Variants in CELF4 observed in about 807,000 individuals in gnomAD.
CELF4 encodes the protein CUG-BP- and ETR-3-like factor 4.
Under a neutral mutation model 59.9 loss-of-function variants are expected in CELF4, and 18 were observed. The ratio of observed to expected loss-of-function variants is 0.30; its 90% CI spans 0.21 to 0.45. The LOEUF is 0.45. Among genes scored for constraint, CELF4 ranks in the 20% least tolerant of loss-of-function variants. The pLI is 1.00. For synonymous variants in CELF4, 261 were observed against 267.1 expected, an observed-to-expected ratio of 0.98 and a Z score of 0.22; for missense variants, 456 against 689.0, an observed-to-expected ratio of 0.66 and a Z score of 3.79.
intron 1 of CELF4, among the ~76,000 whole-genome samples, chr18:37,521,101 G>C (rs1012094666): frequency 6.6e-6 from 1 of 151,834 alleles, no homozygotes; most frequent in African/African-American, 2.4e-5. Context: ...ACATATATCA[G>C]GGGGCTCTGG....
chr18:37,515,425 C>T (rs2099949574), intron 1 of CELF4, among the ~76,000 whole-genome samples: 1 of 152,216 alleles, frequency 6.6e-6, no homozygotes, highest in Non-Finnish European at 1.5e-5. Flanking sequence ...TATCAAGGGT[C>T]TTTCTCCCTT....
intron 3 of CELF4, among the ~76,000 whole-genome samples, chr18:37,297,340 C>T (rs563556729): frequency 3.9e-5 from 6 of 152,286 alleles, no homozygotes; most frequent in African/African-American, 1.4e-4. Flanking sequence ...CTTCAGAATT[C>T]TCTTTTAAAA....
At chr18:37,422,177 G>A (rs923550618) in intron 2 of CELF4, among the ~76,000 whole-genome samples, 1 of 152,224 alleles carries the variant, frequency 6.6e-6, no homozygotes, top group East Asian at 1.9e-4. Context: ...CCTGAGTGGG[G>A]CCTGTGTAAG....
At position 37,259,284 on chromosome 18, in the gene CELF4, T is replaced by C; in HGVS notation, c.1250-20A>G. 7.4e-6 allele frequency: 1 copy of C among 134,858 alleles called. No homozygotes were observed. The highest frequency in any genetic ancestry group is 1.4e-5 in the Non-Finnish European group (1 of 69,954). The allele number at this position is 134,858 out of a possible 1,614,324, so 8.4% of individuals were successfully genotyped here. A position where few individuals can be genotyped will look rare whatever the true frequency, so the allele number is the denominator to read the frequency against. ...CGGGCCCTGCGGTGAGGGGAGGGGGTGGGCGGGGGAGGAGGGATGGCAGGG... is the reference window on the plus strand; with the variant it reads ...CGGGCCCTGCGGTGAGGGGAGGGGGCGGGCGGGGGAGGAGGGATGGCAGGG... On this transcript the variant is annotated intron_variant, in intron 10 of 12. Transcript: ENST00000420428.
chr18:37,505,086 G>C (rs185740812), intron 1 of CELF4, among the ~76,000 whole-genome samples: 1 of 151,156 alleles, frequency 6.6e-6, no homozygotes, highest in African/African-American at 2.5e-5. Flanking sequence ...TCTCTGGTTA[G>C]GAGAAGCAGG....
At chr18:37,445,882 C>T (rs1353694220) in intron 2 of CELF4, among the ~76,000 whole-genome samples, 1 of 152,204 alleles carries the variant, frequency 6.6e-6, no homozygotes, top group Non-Finnish European at 1.5e-5. Flanking sequence ...CCACCACCAC[C>T]ATCCTCCTCC....
intron 3 of CELF4, among the ~76,000 whole-genome samples, chr18:37,303,754 G>C (rs917688515): frequency 2.0e-5 from 3 of 152,188 alleles, no homozygotes; most frequent in Non-Finnish European, 4.4e-5. Context: ...GTGGGCTTTG[G>C]GGGATTCACA....
chr18:37,315,220 G>T (rs1428180179), intron 3 of CELF4, among the ~76,000 whole-genome samples: 1 of 152,150 alleles, frequency 6.6e-6, no homozygotes, highest in Admixed American at 6.5e-5. Flanking sequence ...GCTGAACAGA[G>T]CTTCCACTTG....
At chr18:37,466,804 T>A (rs926287523) in intron 2 of CELF4, among the ~76,000 whole-genome samples, 1 of 152,108 alleles carries the variant, frequency 6.6e-6, no homozygotes, top group African/African-American at 2.4e-5. Flanking sequence ...CTTATCCAGA[T>A]TGGGGAAGGC....
intron 2 of CELF4, among the ~76,000 whole-genome samples, chr18:37,426,963 TA>T (rs550664681): frequency 1.3e-3 from 132 of 102,484 alleles, no homozygotes; most frequent in South Asian, 2.6e-3. Context: ...TTACAAGGAG[TA>T]AAAAAAAAAA....
intron 2 of CELF4, among the ~76,000 whole-genome samples, chr18:37,386,919 A>G (rs1245319453): frequency 6.6e-6 from 1 of 152,072 alleles, no homozygotes; most frequent in East Asian, 1.9e-4. Flanking sequence ...ACAAGTTTGT[A>G]CTCTCTCTCA....
chr18:37,246,588 T>G lies in CELF4; in HGVS notation c.*45-1391A>C, dbSNP rs1297303392. Among the ~76,000 whole-genome samples the G allele has an allele frequency of 6.6e-6, 1 of 152,160 alleles. No homozygotes were observed. The highest frequency in any genetic ancestry group is 2.4e-5 in the African/African-American group (1 of 41,438). On this transcript the variant is annotated intron_variant, in intron 12 of 12. Transcript: ENST00000420428. This position sits in a 1 kb window ranked among gnomAD's most constrained non-coding sequence, Gnocchi z 5.3. ...TGTAGATATTTTGTTTTTGTTTTTT[T>G]GTTTTTGTTTTTTTTCCCTTTGAAG...
At chr18:37,464,459 C>A (rs2099802392) in intron 2 of CELF4, among the ~76,000 whole-genome samples, 1 of 152,232 alleles carries the variant, frequency 6.6e-6, no homozygotes, top group Non-Finnish European at 1.5e-5. Flanking sequence ...CCTTTCTAGG[C>A]CCCTGGCTGG....
intron 2 of CELF4, among the ~76,000 whole-genome samples, chr18:37,472,597 CA>C (rs2099836607): frequency 6.6e-6 from 1 of 152,242 alleles, no homozygotes. Flanking sequence ...GAACTACTGG[CA>C]CCCCAGGGCT....
At chr18:37,324,193 A>C (rs2097217898) in intron 2 of CELF4, among the ~76,000 whole-genome samples, 1 of 152,110 alleles carries the variant, frequency 6.6e-6, no homozygotes, top group Non-Finnish European at 1.5e-5. Context: ...TCATTCTTTG[A>C]GCCTAGTCCA....
rs1207866128 is a variant in CELF4 at position 37,275,112 on chromosome 18, C to T, written c.577+3G>A. On this transcript the variant is annotated splice_donor_region_variant and intron_variant, in intron 4 of 12. Coordinates refer to ENST00000420428, the MANE Select transcript of CELF4 (RefSeq NM_020180.4). Reference sequence around the variant, plus strand: ...GCATCCCTCCCGGCCCCGCCCCGCGCACCCTTGCTGTTGCCGTCGGGCCCG... The same window carrying T: ...GCATCCCTCCCGGCCCCGCCCCGCGTACCCTTGCTGTTGCCGTCGGGCCCG... 33 of 1,612,666 alleles carry T rather than the reference C, an allele frequency of 2.0e-5. No individual in the cohort carries two copies. The highest frequency in any genetic ancestry group is 2.8e-5 in the Non-Finnish European group (33 of 1,179,606).
At chr18:37,407,808 T>C (rs1056377966) in intron 2 of CELF4, among the ~76,000 whole-genome samples, 1 of 152,122 alleles carries the variant, frequency 6.6e-6, no homozygotes, top group African/African-American at 2.4e-5. Flanking sequence ...ACATGCCATA[T>C]TGGATTCCAT....
chr18:37,557,423 G>C (rs952724343), intron 1 of CELF4, among the ~76,000 whole-genome samples: 1 of 152,206 alleles, frequency 6.6e-6, no homozygotes, highest in African/African-American at 2.4e-5. Flanking sequence ...TGGCTGTGCA[G>C]AAAGGATTTT....
chr18:37,332,167 G>A (rs747563413), intron 2 of CELF4, among the ~76,000 whole-genome samples: 2 of 152,118 alleles, frequency 1.3e-5, no homozygotes, highest in South Asian at 2.1e-4. Flanking sequence ...TTGTACATAG[G>A]AGGTGCTTGA....
Sources: gnomAD v4.1 joint callset for allele counts (sites outside exome capture counted in the v4.1 genomes callset) on GRCh38, gnomAD v4.1.1 for gene constraint, Gnocchi (gnomAD v3.1) non-coding constraint, MANE v1.5 for transcripts, NCBI Gene and HGNC (gene_info 2026-07-23, HGNC 2026-07-21) for gene names.